SLC22A9: variants seen among roughly 807,000 people sequenced by gnomAD.
SLC22A9 encodes solute carrier family 22 member 9.
Under a neutral mutation model 50.1 loss-of-function variants are expected in SLC22A9, and 64 were observed. The observed-to-expected ratio is 1.28, with a 90% CI of 1.04 to 1.57. SLC22A9 has a LOEUF of 1.57. SLC22A9 is among the 40% of genes most tolerant of loss of function. SLC22A9 has a pLI of 0.00. For synonymous variants in SLC22A9, 261 were observed against 242.5 expected, an observed-to-expected ratio of 1.08 and a Z score of -0.71; for missense variants, 757 against 676.1, an observed-to-expected ratio of 1.12 and a Z score of -1.33.
chr11:63,408,788 G>T lies in SLC22A9; in HGVS notation c.1510G>T (p.Val504Phe). The T allele has an allele frequency of 6.2e-7, 1 of 1,614,006 alleles. No homozygotes were observed. Among genetic ancestry groups the T allele is most frequent in the Non-Finnish European group, 8.5e-7 (1 of 1,179,944 alleles). ...SPPLPWIIYG[V>F]FPFISGFAFL... ...ACCCCTGCCCTGGATCATCTATGGA[G>T]TCTTCCCCTTCATCTCTGGCTTTGC... The change falls in exon 9 of 10, where the codon GTC becomes TTC. Residue 504 changes from valine to phenylalanine, a missense_variant. Transcript: ENST00000279178.
chr11:63,409,154 T>C (rs920828565), intron 9 of SLC22A9, among the ~76,000 whole-genome samples: 3 of 152,038 alleles, frequency 2.0e-5, no homozygotes, highest in Non-Finnish European at 4.4e-5. Context: ...TCCTCTTCCC[T>C]CCCTGCCCTA....
chr11:63,393,532 C>T (rs1295473359), intron 6 of SLC22A9, among the ~76,000 whole-genome samples: 1 of 152,018 alleles, frequency 6.6e-6, no homozygotes, highest in Admixed American at 6.6e-5. Context: ...TTCAACTTTT[C>T]CCCATTCAGT....
At chr11:63,394,632 T>A (rs1256558553) in intron 6 of SLC22A9, among the ~76,000 whole-genome samples, 1 of 152,196 alleles carries the variant, frequency 6.6e-6, no homozygotes, top group African/African-American at 2.4e-5. Context: ...GGTTACCTGG[T>A]GCTTTTGTCT....
At chr11:63,374,627 T>C (rs1186004534) in intron 4 of SLC22A9, among the ~76,000 whole-genome samples, 1 of 152,166 alleles carries the variant, frequency 6.6e-6, no homozygotes, top group Non-Finnish European at 1.5e-5. Context: ...ATCCTCGCCT[T>C]AACAAGTATT....
At position 63,384,650 on chromosome 11, in the gene SLC22A9, T is replaced by C. The variant is rs116224449; in HGVS notation, c.1073+2373T>C. Among the ~76,000 whole-genome samples, 936 of 152,326 alleles carry C rather than the reference T, an allele frequency of 6.1e-3. 10 individuals carry two copies. Among genetic ancestry groups the C allele is most frequent in the African/African-American group, 0.021 (857 of 41,566 alleles). The stretch of plus-strand genomic sequence containing the variant: ...AGAATGATGTATATTCCTTTGCGTA[T>C]ATACTCAGTAATGGAATTGCTGGGT... On this transcript the variant is annotated intron_variant, in intron 6 of 9. Transcript: ENST00000279178.
chr11:63,402,778 C>A (rs549193677), intron 6 of SLC22A9, among the ~76,000 whole-genome samples: 7 of 152,018 alleles, frequency 4.6e-5, no homozygotes, highest in African/African-American at 1.4e-4. Flanking sequence ...GCACTTCTAG[C>A]CATTATACCA....
chr11:63,404,537 A>T (rs1371221954), intron 6 of SLC22A9, among the ~76,000 whole-genome samples: 1 of 152,192 alleles, frequency 6.6e-6, no homozygotes, highest in Non-Finnish European at 1.5e-5. Flanking sequence ...ACAATATTTT[A>T]AAAATGAATA....
intron 5 of SLC22A9, among the ~76,000 whole-genome samples, chr11:63,378,085 C>T (rs1041251893): frequency 6.6e-6 from 1 of 151,574 alleles, no homozygotes; most frequent in African/African-American, 2.4e-5. Context: ...AATCCCTGGG[C>T]CACATGGATT....
intron 6 of SLC22A9, among the ~76,000 whole-genome samples, chr11:63,400,941 A>C (rs1193654352): frequency 1.3e-5 from 2 of 152,144 alleles, no homozygotes; most frequent in Non-Finnish European, 2.9e-5. Context: ...CATATGATAA[A>C]ATTCGAATTC....
chr11:63,403,362 A>T (rs7940738), intron 6 of SLC22A9, among the ~76,000 whole-genome samples: 1 of 151,856 alleles, frequency 6.6e-6, no homozygotes, highest in Admixed American at 6.6e-5. Context: ...AACAAAAATT[A>T]CTGTATCTTG....
intron 6 of SLC22A9, among the ~76,000 whole-genome samples, chr11:63,392,342 T>C (rs2014778778): frequency 1.3e-5 from 2 of 152,126 alleles, no homozygotes; most frequent in South Asian, 2.1e-4. Context: ...TTCCTGCTCA[T>C]CAATGTCATT....
chr11:63,406,943 A>G (rs773103800), intron 7 of SLC22A9, among the ~76,000 whole-genome samples: 41 of 152,198 alleles, frequency 2.7e-4, no homozygotes, highest in Non-Finnish European at 5.3e-4. Context: ...TTCAACAAAT[A>G]CTAAGAAACT....
Position 63,375,701 on chromosome 11 carries a change from TA to T in SLC22A9, c.890del (p.Lys297ArgfsTer12), listed in dbSNP as rs1303667647. The T allele has an allele frequency of 6.2e-7, 1 of 1,612,772 alleles. No individual in the cohort carries two copies. Among genetic ancestry groups the T allele is most frequent in the South Asian group, 1.1e-5 (1 of 91,040 alleles). On this transcript the variant is annotated frameshift_variant, in exon 5 of 10. Transcript: ENST00000279178. LOFTEE classifies it high-confidence loss of function. ...LIINNKPEEG[L>X]KELRKAAHRS... Reference sequence around the variant, plus strand: ...ATCAACAATAAACCAGAGGAAGGCTTAAAGGAACTTAGAAAAGCTGCACACA... The same window carrying T: ...ATCAACAATAAACCAGAGGAAGGCTTAAGGAACTTAGAAAAGCTGCACACA...
In SLC22A9 at chr11:63,373,744, C is replaced by T. The variant is rs776740117; in HGVS notation, c.607C>T (p.Arg203Cys). The change falls in exon 3 of 10, where the codon CGC (arginine) becomes TGC (cysteine). Residue 203 changes from arginine to cysteine, a missense_variant. Transcript: ENST00000279178. Reference sequence around the variant, plus strand: ...CACCTTCCTCATTTACTGCTCACTACGCTTCTTGTCTGGGATTGCTGCAAT... The same window carrying T: ...CACCTTCCTCATTTACTGCTCACTATGCTTCTTGTCTGGGATTGCTGCAAT... Reference protein sequence around the residue: ...APTFLIYCSLRFLSGIAAMSL... With the variant: ...APTFLIYCSLCFLSGIAAMSL... 45 of 1,613,276 alleles carry T rather than the reference C, an allele frequency of 2.8e-5. No homozygotes were observed. Among genetic ancestry groups the T allele is most frequent in the East Asian group, 8.9e-5 (4 of 44,890 alleles).
intron 2 of SLC22A9, 48 bp from the exon 3 acceptor site, chr11:63,373,596 C>T: frequency 6.8e-7 from 1 of 1,462,104 alleles, no homozygotes; most frequent in South Asian, 1.6e-5. Context: ...CTAAGTTTTT[C>T]CACTTGTTGT....
chr11:63,373,194 T>C (rs1415054137), intron 2 of SLC22A9, among the ~76,000 whole-genome samples: 1 of 151,206 alleles, frequency 6.6e-6, no homozygotes, highest in Non-Finnish European at 1.5e-5. Context: ...GTTCTATGGA[T>C]GTTCCTTTCA....
At chr11:63,402,669 A>C (rs1043047683) in intron 6 of SLC22A9, among the ~76,000 whole-genome samples, 6 of 152,060 alleles carry the variant, frequency 3.9e-5, no homozygotes, top group Non-Finnish European at 8.8e-5. Context: ...GTTGAAAAAA[A>C]AAAAGGTTTT....
At chr11:63,383,234 G>C (rs2119911714) in intron 6 of SLC22A9, among the ~76,000 whole-genome samples, 1 of 152,264 alleles carries the variant, frequency 6.6e-6, no homozygotes, top group Non-Finnish European at 1.5e-5. Context: ...TAATTTTTCA[G>C]GGAGATGCCC....
intron 6 of SLC22A9, among the ~76,000 whole-genome samples, chr11:63,392,251 C>A (rs1402375793): frequency 1.3e-5 from 2 of 151,988 alleles, no homozygotes; most frequent in African/African-American, 4.8e-5. Context: ...AGTCTAGCCA[C>A]CACAATTACA....
Sources: gnomAD v4.1 joint callset for allele counts (sites outside exome capture counted in the v4.1 genomes callset) on GRCh38, gnomAD v4.1.1 for gene constraint, MANE v1.5 for transcripts, NCBI Gene and HGNC (gene_info 2026-07-23, HGNC 2026-07-21) for gene names.